The following PDGFD variants were observed in gnomAD, a reference collection of about 807,000 sequenced individuals.
PDGFD encodes the protein platelet-derived growth factor D.
Under a neutral mutation model 44.7 loss-of-function variants are expected in PDGFD, and 30 were observed. The ratio of observed to expected loss-of-function variants is 0.67; its 90% CI spans 0.50 to 0.91. The LOEUF is 0.91. Among genes scored for constraint, PDGFD ranks in the 40% least tolerant of loss-of-function variants. The pLI is 0.00. For missense variants in PDGFD, 445 were observed against 457.8 expected (o/e 0.97, Z 0.25); for synonymous variants, 173 against 168.4 (o/e 1.03, Z -0.21).
At chr11:103,917,720 G>C (rs943342093) in intron 6 of PDGFD, among the ~76,000 whole-genome samples, 4 of 152,074 alleles carry the variant, frequency 2.6e-5, no homozygotes, top group African/African-American at 9.7e-5. Flanking sequence ...CCCTGACTTG[G>C]ACCTGGGACC....
intron 3 of PDGFD, among the ~76,000 whole-genome samples, chr11:103,954,365 C>G (rs1015764393): frequency 2.0e-5 from 3 of 152,122 alleles, no homozygotes; most frequent in African/African-American, 7.2e-5. Context: ...TCCTTTAAGT[C>G]TTTGCAGACA....
chr11:103,978,092 T>C (rs924539883), intron 3 of PDGFD, among the ~76,000 whole-genome samples: 4 of 152,226 alleles, frequency 2.6e-5, no homozygotes, highest in African/African-American at 9.6e-5. Context: ...TTTCCATTGC[T>C]AACAGCTGGG....
chr11:103,998,392 G>A (rs1859569370), intron 2 of PDGFD, among the ~76,000 whole-genome samples: 1 of 152,168 alleles, frequency 6.6e-6, no homozygotes, highest in Admixed American at 6.5e-5. Flanking sequence ...AGGGCCTGGA[G>A]ATGGAGTTCA....
At chr11:103,981,775 C>T (rs1859276551) in intron 3 of PDGFD, among the ~76,000 whole-genome samples, 1 of 151,746 alleles carries the variant, frequency 6.6e-6, no homozygotes, top group African/African-American at 2.4e-5. Context: ...ATGAGACTAT[C>T]TGGATTCCAG....
intron 6 of PDGFD, 73 bp from the exon 7 acceptor site, chr11:103,909,892 C>A (rs1437319296): frequency 3.2e-6 from 5 of 1,576,734 alleles, no homozygotes; most frequent in Admixed American, 1.7e-5. Context: ...CTACTTATTA[C>A]CTTTTTGACA....
At chr11:104,159,351 G>T (rs1862356848) in intron 1 of PDGFD, among the ~76,000 whole-genome samples, 1 of 152,076 alleles carries the variant, frequency 6.6e-6, no homozygotes, top group Admixed American at 6.6e-5. Flanking sequence ...TGGCGCAGAT[G>T]AGGTAGACAC....
At chr11:103,940,496 C>T (rs913945529) in intron 5 of PDGFD, among the ~76,000 whole-genome samples, 2 of 152,080 alleles carry the variant, frequency 1.3e-5, no homozygotes, top group South Asian at 2.1e-4. Flanking sequence ...CCTGAAAAGG[C>T]AAAGTTTTAT....
chr11:104,001,462 T>C (rs1395003288), intron 1 of PDGFD, among the ~76,000 whole-genome samples: 1 of 152,172 alleles, frequency 6.6e-6, no homozygotes, highest in Non-Finnish European at 1.5e-5. Flanking sequence ...ACCTGGGGGT[T>C]TATAGGGACT....
At chr11:104,141,070 T>C (rs936091792) in intron 1 of PDGFD, among the ~76,000 whole-genome samples, 1 of 152,174 alleles carries the variant, frequency 6.6e-6, no homozygotes, top group Non-Finnish European at 1.5e-5. Context: ...CAAACACAAT[T>C]TACGGTGCTC....
chr11:104,042,484 T>C (rs1171825317), intron 1 of PDGFD, among the ~76,000 whole-genome samples: 1 of 152,170 alleles, frequency 6.6e-6, no homozygotes, highest in Non-Finnish European at 1.5e-5. Context: ...ACTACAGCAA[T>C]GAATGTTTTC....
intron 1 of PDGFD, among the ~76,000 whole-genome samples, chr11:104,020,268 C>A (rs1859929738): frequency 6.6e-6 from 1 of 152,068 alleles, no homozygotes; most frequent in Non-Finnish European, 1.5e-5. Flanking sequence ...GCAGCTATTT[C>A]ATTAATTTTT....
intron 1 of PDGFD, among the ~76,000 whole-genome samples, chr11:104,034,932 G>A (rs574807911): frequency 2.2e-4 from 34 of 152,202 alleles, no homozygotes; most frequent in African/African-American, 5.5e-4. Context: ...ATGAGCCACC[G>A]CGCCAGGCAG....
At chr11:104,075,196 A>G (rs1860939003) in intron 1 of PDGFD, among the ~76,000 whole-genome samples, 1 of 152,182 alleles carries the variant, frequency 6.6e-6, no homozygotes, top group South Asian at 2.1e-4. Flanking sequence ...TGCTCTCTTA[A>G]AAGAGTCCAT....
intron 5 of PDGFD, among the ~76,000 whole-genome samples, chr11:103,939,742 T>C (rs1457587956): frequency 6.6e-6 from 1 of 152,088 alleles, no homozygotes; most frequent in African/African-American, 2.4e-5. Flanking sequence ...AAAAAGTAAA[T>C]GCAATTTGAA....
chr11:103,927,921 A>G (rs761181165), intron 5 of PDGFD, among the ~76,000 whole-genome samples: 13 of 152,358 alleles, frequency 8.5e-5, no homozygotes, highest in Admixed American at 2.0e-4. Flanking sequence ...AGCTATTCTT[A>G]CTAATCTTGA....
chr11:104,147,364 T>G (rs546929128), intron 1 of PDGFD, among the ~76,000 whole-genome samples: 1 of 152,248 alleles, frequency 6.6e-6, no homozygotes, highest in South Asian at 2.1e-4. Flanking sequence ...AATAAGGTAT[T>G]TCCAAAGTCA....
intron 3 of PDGFD, among the ~76,000 whole-genome samples, chr11:103,984,766 GC>G (rs940284388): frequency 6.8e-6 from 1 of 146,148 alleles, no homozygotes; most frequent in Non-Finnish European, 1.5e-5. Flanking sequence ...TGGCTGAGGT[GC>G]TAAAAACTAG....
At chr11:103,933,481 A>C (rs947142649) in intron 5 of PDGFD, among the ~76,000 whole-genome samples, 3 of 152,346 alleles carry the variant, frequency 2.0e-5, no homozygotes, top group Non-Finnish European at 4.4e-5. Context: ...TATGAAAGAC[A>C]CTGAATTTTG....
chr11:103,969,169 G>T (rs1442168183), intron 3 of PDGFD, among the ~76,000 whole-genome samples: 1 of 152,028 alleles, frequency 6.6e-6, no homozygotes, highest in Non-Finnish European at 1.5e-5. Context: ...GTAAATATTG[G>T]GCTCTTGATA....
Sources: gnomAD v4.1 joint callset for allele counts (sites outside exome capture counted in the v4.1 genomes callset) on GRCh38, gnomAD v4.1.1 for gene constraint, MANE v1.5 for transcripts, NCBI Gene and HGNC (gene_info 2026-07-23, HGNC 2026-07-21) for gene names.